Variants in AFG2A observed in about 807,000 individuals in gnomAD.
AFG2A encodes ATPase family gene 2 protein homolog A.
chr4:123,129,325 A>C, the AFG2A span, among the ~76,000 whole-genome samples: 4 of 152,240 alleles, frequency 2.6e-5, no homozygotes, highest in African/African-American at 9.6e-5. Flanking sequence ...TTAGGAGATA[A>C]GGTAATAGCT....
chr4:123,000,118 T>C, the AFG2A span, among the ~76,000 whole-genome samples: 9 of 149,518 alleles, frequency 6.0e-5, no homozygotes, highest in African/African-American at 2.2e-4. Flanking sequence ...CTGTTATTGG[T>C]GTATAAGAAT....
At chr4:123,163,644 G>A in the AFG2A span, among the ~76,000 whole-genome samples, 1 of 152,110 alleles carries the variant, frequency 6.6e-6, no homozygotes. Context: ...ACAGACTTAC[G>A]TGGATTGGAA....
At chr4:122,951,432 G>GTACACA in the AFG2A span, among the ~76,000 whole-genome samples, 2 of 50,520 alleles carry the variant, frequency 4.0e-5, no homozygotes, top group East Asian at 2.3e-3. Context: ...CTTTTCCAAA[G>GTACACA]TACACACACA....
chr4:123,087,562 G>T, the AFG2A span, among the ~76,000 whole-genome samples: 4 of 152,178 alleles, frequency 2.6e-5, no homozygotes, highest in African/African-American at 7.2e-5. Context: ...ATTTTTCTCA[G>T]ATCTTCACTG....
chr4:122,923,813 G>A, the AFG2A span, among the ~76,000 whole-genome samples: 4 of 152,170 alleles, frequency 2.6e-5, no homozygotes, highest in East Asian at 5.8e-4. Flanking sequence ...TTCTACAGAA[G>A]CCGTGACCGA....
At chr4:122,960,904 A>G in the AFG2A span, among the ~76,000 whole-genome samples, 2 of 152,152 alleles carry the variant, frequency 1.3e-5, no homozygotes, top group African/African-American at 4.8e-5. Flanking sequence ...CTATTTTTTC[A>G]ATTCTGTCAA....
the AFG2A span, among the ~76,000 whole-genome samples, chr4:123,114,970 C>T: frequency 9.8e-5 from 15 of 152,298 alleles, no homozygotes; most frequent in South Asian, 1.9e-3. Flanking sequence ...ATGGCGGCTC[C>T]GAACTTAGTA....
chr4:123,246,750 A>G, the AFG2A span, among the ~76,000 whole-genome samples: 15 of 152,328 alleles, frequency 9.8e-5, 2 homozygotes, highest in South Asian at 1.0e-3. Context: ...CCACTGGGAA[A>G]GTCTGCCCTA....
chr4:123,315,244 C>G, the AFG2A span: 2 of 150,908 alleles, frequency 1.3e-5, no homozygotes, highest in Admixed American at 6.6e-5. Context: ...AGTGCAGTGG[C>G]GTGATCTAGG....
At chr4:123,185,840 G>A in the AFG2A span, among the ~76,000 whole-genome samples, 2 of 151,708 alleles carry the variant, frequency 1.3e-5, no homozygotes, top group South Asian at 2.1e-4. Context: ...ACAGTGAGCC[G>A]AGATCGCGCC....
At chr4:123,203,256 T>A in the AFG2A span, among the ~76,000 whole-genome samples, 2 of 152,056 alleles carry the variant, frequency 1.3e-5, no homozygotes, top group African/African-American at 4.8e-5. Flanking sequence ...GTTCAAGTGA[T>A]TCTCCTGCCC....
the AFG2A span, among the ~76,000 whole-genome samples, chr4:122,976,445 C>G: frequency 5.3e-3 from 802 of 152,318 alleles, 7 homozygotes; most frequent in African/African-American, 0.018. Flanking sequence ...TTGGATCTCT[C>G]TAAATTTGAC....
At chr4:123,300,717 T>G in the AFG2A span, among the ~76,000 whole-genome samples, 5 of 151,620 alleles carry the variant, frequency 3.3e-5, no homozygotes, top group Non-Finnish European at 5.9e-5. Context: ...ACTAGTGTGC[T>G]TAAATTTTCA....
the AFG2A span, among the ~76,000 whole-genome samples, chr4:123,210,009 C>T: frequency 1.3e-5 from 2 of 152,118 alleles, no homozygotes; most frequent in Non-Finnish European, 2.9e-5. Flanking sequence ...GTCAGCATGC[C>T]TTAACCTTTC....
At chr4:123,012,768 G>T in the AFG2A span, among the ~76,000 whole-genome samples, 1 of 152,316 alleles carries the variant, frequency 6.6e-6, no homozygotes, top group African/African-American at 2.4e-5. Flanking sequence ...GGGTTAGTGA[G>T]AGAGGTTGGA....
chr4:122,953,390 C>T, the AFG2A span, among the ~76,000 whole-genome samples: 16 of 152,208 alleles, frequency 1.1e-4, no homozygotes, highest in African/African-American at 3.9e-4. Context: ...TTGGAACCAA[C>T]GAATGTCACC....
chr4:123,016,390 T>C, the AFG2A span, among the ~76,000 whole-genome samples: 1 of 149,658 alleles, frequency 6.7e-6, no homozygotes, highest in African/African-American at 2.5e-5. Flanking sequence ...GCGGAGGGTC[T>C]CCTCACTTCT....
chr4:123,180,468 A>G, the AFG2A span, among the ~76,000 whole-genome samples: 1 of 152,218 alleles, frequency 6.6e-6, no homozygotes, highest in Non-Finnish European at 1.5e-5. Flanking sequence ...TCTAGTAGGT[A>G]TAAACTAGAG....
At chr4:123,027,637 G>A in the AFG2A span, among the ~76,000 whole-genome samples, 14 of 151,956 alleles carry the variant, frequency 9.2e-5, no homozygotes, top group Non-Finnish European at 1.5e-4. Context: ...TCTTGTGTAC[G>A]TTTTCTGGTA....
Sources: gnomAD v4.1 joint callset for allele counts (sites outside exome capture counted in the v4.1 genomes callset) on GRCh38, gnomAD v4.1.1 for gene constraint, MANE v1.5 for transcripts, NCBI Gene and HGNC (gene_info 2026-07-23, HGNC 2026-07-21) for gene names.